The following NEK9 variants were observed in gnomAD, a reference collection of about 807,000 sequenced individuals.
The protein encoded by NEK9 is serine/threonine-protein kinase Nek9.
Under a neutral mutation model 123.4 loss-of-function variants are expected in NEK9, and 75 were observed. That is an observed-to-expected ratio of 0.61 (90% CI 0.50 to 0.74). The LOEUF (loss-of-function observed/expected upper bound fraction) is 0.74. Ranked by LOEUF, NEK9 falls within the 30% of genes least tolerant of loss-of-function variation. The probability of loss-of-function intolerance (pLI) is 0.00; values close to 1 mark genes in which losing one functional copy is unlikely to be tolerated. For synonymous variants in NEK9, 438 were observed against 458.7 expected (o/e 0.95, Z 0.58); for missense variants, 952 against 1,214.4 (o/e 0.78, Z 3.21).
rs978600897 is a variant in NEK9 at position 75,126,986 on chromosome 14, C to T, written c.-65G>A. On this transcript the variant is annotated 5_prime_UTR_variant, in exon 1 of 22. Coordinates refer to ENST00000238616, the MANE Select transcript of NEK9 (RefSeq NM_033116.6). ...CCGGAGGCCCTGGCCGCGCTGCGTC[C>T]CGCTCGCTTCAGATGCCGGCCCGCG... 10 of 1,323,624 alleles carry T rather than the reference C, an allele frequency of 7.6e-6. No individual in the cohort carries two copies. The highest frequency in any genetic ancestry group is 3.7e-5 in the Admixed American group (1 of 27,292). The allele number at this position is 1,323,624 out of a possible 1,614,324, so 82.0% of individuals were successfully genotyped here.
chr14:75,109,280 C>T (rs1216784149), intron 10 of NEK9, among the ~76,000 whole-genome samples: 2 of 152,208 alleles, frequency 1.3e-5, no homozygotes, highest in Non-Finnish European at 2.9e-5. Context: ...CTGTGGGCTT[C>T]AGGGGTTTCC....
In NEK9 at chr14:75,110,361, C is replaced by T; in HGVS notation, c.949G>A (p.Glu317Lys). ...LLRKRRREMEEKVTLLNAPTK... is the reference protein window; with the variant it reads ...LLRKRRREMEKKVTLLNAPTK... ...GGTGCATTAAGCAGAGTGACTTTTTCCTCCATCTCTCTACCAAAAGAAAAG... is the reference window on the plus strand; with the variant it reads ...GGTGCATTAAGCAGAGTGACTTTTTTCTCCATCTCTCTACCAAAAGAAAAG... Residue 317 changes from glutamate (E) to lysine (K), a missense_variant, in exon 9 of 22, where the codon GAA becomes AAA. Glu to Lys is a moderately conservative substitution (Grantham distance 56). This residue lies in a region of NEK9 where 698 missense variants were observed against 875.6 expected (regional missense o/e 0.80). Coordinates refer to ENST00000238616, the MANE Select transcript of NEK9 (RefSeq NM_033116.6). The T allele has an allele frequency of 6.2e-7, 1 of 1,612,748 alleles. No individual in the cohort carries two copies. The highest frequency in any genetic ancestry group is 1.1e-5 in the South Asian group (1 of 91,022).
chr14:75,089,721 A>G (rs1894149266), intron 19 of NEK9, among the ~76,000 whole-genome samples: 1 of 144,966 alleles, frequency 6.9e-6, no homozygotes, highest in South Asian at 2.2e-4. Context: ...TTTTTTTGAG[A>G]CGGAGTCTCG....
At chr14:75,121,918 T>A (rs548978035) in intron 2 of NEK9, among the ~76,000 whole-genome samples, 2 of 152,312 alleles carry the variant, frequency 1.3e-5, no homozygotes, top group South Asian at 4.1e-4. Flanking sequence ...TGTTTTGTAT[T>A]TATAGGGTAT....
chr14:75,101,258 T>C, intron 15 of NEK9, 105 bp from the exon 16 acceptor site: 1 of 1,240,234 alleles, frequency 8.1e-7, no homozygotes, highest in Middle Eastern at 2.6e-4. Context: ...TGTTAGAATA[T>C]ACAAATATAA....
At chr14:75,123,298 G>A (rs922190316) in intron 2 of NEK9, among the ~76,000 whole-genome samples, 1 of 152,082 alleles carries the variant, frequency 6.6e-6, no homozygotes, top group Non-Finnish European at 1.5e-5. Context: ...CTACTTGGGA[G>A]GCTGAGGCAG....
chr14:75,116,693 T>A (rs191769003), intron 6 of NEK9: 67 of 177,262 alleles, frequency 3.8e-4, no homozygotes, highest in African/African-American at 1.5e-3. Context: ...AGTGGTGCGA[T>A]CTTGGCTTAC....
At position 75,084,654 on chromosome 14, in the gene NEK9, T is replaced by C. The variant is rs755983230; in HGVS notation, c.2850A>G (p.Ala950=). 3 of 1,614,180 alleles carry C rather than the reference T, an allele frequency of 1.9e-6. No homozygotes were observed. Among genetic ancestry groups the C allele is most frequent in the Non-Finnish European group, 2.5e-6 (3 of 1,180,004 alleles). Residue 950 remains alanine, a synonymous_variant, in exon 22 of 22, where the codon GCA becomes GCG. Coordinates refer to ENST00000238616, the MANE Select transcript of NEK9 (RefSeq NM_033116.6). ...VGMHSKGTQT[A]KEEMEMDPKP... ...TTGGATCCATTTCCATCTCTTCCTT[T>C]GCTGTCTGAGTTCCTTTGGAATGCA...
At chr14:75,085,844 T>A (rs997407378) in intron 21 of NEK9, among the ~76,000 whole-genome samples, 3 of 152,264 alleles carry the variant, frequency 2.0e-5, no homozygotes, top group Admixed American at 2.0e-4. Flanking sequence ...GATCCATGTT[T>A]GTGCCACTGC....
At chr14:75,121,214 A>G (rs958944941) in intron 2 of NEK9, 40 bp from the exon 3 acceptor site, 5 of 1,519,334 alleles carry the variant, frequency 3.3e-6, no homozygotes, top group African/African-American at 2.8e-5. Flanking sequence ...TGCTTAATAC[A>G]GATCAAAGCT....
chr14:75,117,069 T>C, intron 6 of NEK9, 126 bp downstream of exon 6: 1 of 1,109,348 alleles, frequency 9.0e-7, no homozygotes, highest in East Asian at 2.5e-5. Context: ...AGATTACTAA[T>C]CTTGTACCTG....
intron 8 of NEK9, among the ~76,000 whole-genome samples, chr14:75,112,397 A>G (rs1894986269): frequency 6.6e-6 from 1 of 152,240 alleles, no homozygotes; most frequent in Non-Finnish European, 1.5e-5. Flanking sequence ...TCCTATCTCT[A>G]AAGATATCTG....
At chr14:75,115,607 T>C (rs1895116314) in intron 6 of NEK9, among the ~76,000 whole-genome samples, 1 of 152,226 alleles carries the variant, frequency 6.6e-6, no homozygotes, top group African/African-American at 2.4e-5. Context: ...TGTTACCATG[T>C]TATAGATAAT....
chr14:75,120,507 T>A lies in NEK9; in HGVS notation c.524+3A>T. ...TCCATCCATAATTTTTTTTACTTCT[T>A]ACCTATGAAGGATTCCAGCTTTATG... On this transcript the variant is annotated splice_donor_region_variant and intron_variant, in intron 4 of 21. Coordinates refer to ENST00000238616, the MANE Select transcript of NEK9 (RefSeq NM_033116.6). 6.2e-7 allele frequency: 1 copy of A among 1,609,018 alleles called. No individual in the cohort carries two copies. Among genetic ancestry groups the A allele is most frequent in the Non-Finnish European group, 8.5e-7 (1 of 1,176,252 alleles).
chr14:75,100,318 T>A (rs2139749206), intron 16 of NEK9, among the ~76,000 whole-genome samples: 1 of 151,828 alleles, frequency 6.6e-6, no homozygotes, highest in African/African-American at 2.4e-5. Context: ...TGGTGGCGCA[T>A]GCCTGTAATC....
intron 21 of NEK9, among the ~76,000 whole-genome samples, chr14:75,086,138 G>A (rs1178696788): frequency 1.3e-5 from 2 of 150,054 alleles, no homozygotes; most frequent in Non-Finnish European, 3.0e-5. Context: ...GCAGTAAGCC[G>A]AGATCACGCC....
chr14:75,117,072 T>C (rs1895167014), intron 6 of NEK9, 123 bp downstream of exon 6: 1 of 1,128,794 alleles, frequency 8.9e-7, no homozygotes, highest in Non-Finnish European at 1.2e-6. Flanking sequence ...TTACTAATCT[T>C]GTACCTGAAT....
intron 16 of NEK9, 99 bp downstream of exon 16, chr14:75,100,893 C>T (rs1203830061): frequency 8.2e-7 from 1 of 1,219,904 alleles, no homozygotes; most frequent in Non-Finnish European, 1.1e-6. Flanking sequence ...AGTACATCCA[C>T]AATTCAGCTA....
chr14:75,122,789 C>CTTTTTTT (rs35799337), intron 2 of NEK9, among the ~76,000 whole-genome samples: 9 of 80,124 alleles, frequency 1.1e-4, no homozygotes, highest in Admixed American at 1.5e-4. Flanking sequence ...CCACGCCCAG[C>CTTTTTTT]TTTTTTTTTT....
Sources: gnomAD v4.1 joint callset for allele counts (sites outside exome capture counted in the v4.1 genomes callset) on GRCh38, gnomAD v4.1.1 for gene constraint, gnomAD v4.1.1 regional missense constraint, MANE v1.5 for transcripts, NCBI Gene and HGNC (gene_info 2026-07-23, HGNC 2026-07-21) for gene names.